CLVS1: variants seen among roughly 807,000 people sequenced by gnomAD.
The protein encoded by CLVS1 is clavesin 1, also known as clavesin-1.
In CLVS1, 10 loss-of-function variants were observed where a neutral mutation model predicts 33.1. The observed-to-expected ratio is 0.30, with a 90% CI of 0.19 to 0.51. The LOEUF (loss-of-function observed/expected upper bound fraction) is 0.51, where lower values mean the gene tolerates loss of function less well. CLVS1 is among the 20% of genes least tolerant of loss of function. The probability of loss-of-function intolerance (pLI) is 0.97; values close to 1 mark genes in which losing one functional copy is unlikely to be tolerated. For missense variants in CLVS1, 343 were observed against 433.4 expected, an observed-to-expected ratio of 0.79 and a Z score of 1.85; for synonymous variants, 163 against 166.1, an observed-to-expected ratio of 0.98 and a Z score of 0.14.
At chr8:61,260,659 G>A (rs1232239630) in intron 2 of CLVS1, among the ~76,000 whole-genome samples, 1 of 152,180 alleles carries the variant, frequency 6.6e-6, no homozygotes, top group East Asian at 1.9e-4. Flanking sequence ...TATAAAAGGA[G>A]GAGATAAAGA....
intron 4 of CLVS1, among the ~76,000 whole-genome samples, chr8:61,457,182 C>A (rs1238642468): frequency 6.6e-6 from 1 of 152,030 alleles, no homozygotes; most frequent in Non-Finnish European, 1.5e-5. Context: ...GGTGATCTGC[C>A]CTCCTCAGCC....
At chr8:61,491,853 T>A (rs553470162) in intron 5 of CLVS1, among the ~76,000 whole-genome samples, 1 of 152,374 alleles carries the variant, frequency 6.6e-6, no homozygotes, top group South Asian at 2.1e-4. Flanking sequence ...ATTTCACTTT[T>A]ATCTAAATGA....
At chr8:61,061,976 T>C (rs772373142) in intron 1 of CLVS1, among the ~76,000 whole-genome samples, 25 of 152,164 alleles carry the variant, frequency 1.6e-4, no homozygotes, top group Non-Finnish European at 3.5e-4. Flanking sequence ...TGGAAGGGTC[T>C]CTGTGAACCC....
intron 1 of CLVS1, among the ~76,000 whole-genome samples, chr8:61,104,328 A>T (rs1200895684): frequency 6.6e-6 from 1 of 152,224 alleles, no homozygotes; most frequent in Non-Finnish European, 1.5e-5. Context: ...GAGGGTTAAA[A>T]AGTTGTTCCA....
At chr8:61,081,651 T>G (rs963652831) in intron 1 of CLVS1, among the ~76,000 whole-genome samples, 3 of 152,242 alleles carry the variant, frequency 2.0e-5, no homozygotes, top group Non-Finnish European at 4.4e-5. Context: ...AACTTCTGGC[T>G]TCCAGTCTGG....
At chr8:61,494,883 T>C (rs1804214899) in intron 5 of CLVS1, among the ~76,000 whole-genome samples, 1 of 152,244 alleles carries the variant, frequency 6.6e-6, no homozygotes, top group African/African-American at 2.4e-5. Flanking sequence ...ACTAGAATTA[T>C]GTCATGCTGA....
chr8:61,275,097 G>C (rs906750433), intron 2 of CLVS1, among the ~76,000 whole-genome samples: 3 of 152,164 alleles, frequency 2.0e-5, no homozygotes, highest in African/African-American at 7.2e-5. Context: ...ATTATAATTG[G>C]AGTGGAAGAA....
chr8:61,458,469 T>A lies in CLVS1; in HGVS notation c.904T>A (p.Ser302Thr). Residue 302 changes from serine (S) to threonine (T), a missense_variant, in exon 5 of 6, where the codon TCC becomes ACC. Physicochemically the swap from Ser to Thr is moderately conservative, Grantham distance 58 (BLOSUM62 1). Around this residue, in one of 4 missense-constraint regions of CLVS1, gnomAD observed 86 missense variants for 95.0 expected, o/e 0.91. Coordinates refer to ENST00000325897, the MANE Select transcript of CLVS1 (RefSeq NM_173519.3). Reference protein sequence around the residue: ...YSDENDYTHTSYNAMHVKHTS... With the variant: ...YSDENDYTHTTYNAMHVKHTS... ...CGATGAAAATGACTATACTCACACA[T>A]CCTATAATGCAATGCACGTGAAGCA... 1 of 1,613,676 alleles carries A rather than the reference T, an allele frequency of 6.2e-7. No homozygotes were observed. Among genetic ancestry groups the A allele is most frequent in the Non-Finnish European group, 8.5e-7 (1 of 1,179,928 alleles).
the CLVS1 span, among the ~76,000 whole-genome samples, chr8:61,017,940 G>A: frequency 6.6e-6 from 1 of 152,168 alleles, no homozygotes; most frequent in African/African-American, 2.4e-5. Flanking sequence ...TTCACTGCAT[G>A]GTTGCATGTA....
At chr8:61,403,839 A>G (rs1814870318) in intron 3 of CLVS1, among the ~76,000 whole-genome samples, 1 of 152,204 alleles carries the variant, frequency 6.6e-6, no homozygotes, top group Admixed American at 6.5e-5. Context: ...ACATGTAGAA[A>G]GGATATCTAC....
At chr8:61,297,975 C>T (rs1474347210) in intron 1 of CLVS1, among the ~76,000 whole-genome samples, 1 of 152,184 alleles carries the variant, frequency 6.6e-6, no homozygotes, top group Non-Finnish European at 1.5e-5. Context: ...GAGTGACCAT[C>T]TGTCTGAGTT....
At chr8:61,471,207 A>T (rs1391845678) in intron 5 of CLVS1, among the ~76,000 whole-genome samples, 1 of 152,150 alleles carries the variant, frequency 6.6e-6, no homozygotes, top group African/African-American at 2.4e-5. Context: ...TTCCTTGACT[A>T]CAGAGTGGAT....
intron 3 of CLVS1, among the ~76,000 whole-genome samples, chr8:61,414,780 TC>T (rs1459010157): frequency 6.6e-6 from 1 of 152,208 alleles, no homozygotes; most frequent in Non-Finnish European, 1.5e-5. Flanking sequence ...CCCTCACTGA[TC>T]CTCTCAGTCA....
chr8:61,130,842 G>C (rs920188929), intron 1 of CLVS1, among the ~76,000 whole-genome samples: 6 of 152,182 alleles, frequency 3.9e-5, no homozygotes, highest in African/African-American at 1.4e-4. Flanking sequence ...GGCTTCCCTG[G>C]ACCCCTTTCT....
chr8:61,242,793 A>C (rs1808722270), intron 2 of CLVS1, among the ~76,000 whole-genome samples: 1 of 117,666 alleles, frequency 8.5e-6, no homozygotes, highest in Non-Finnish European at 1.6e-5. Flanking sequence ...ACCCTGCCTC[A>C]AAAAAAAAAA....
intron 1 of CLVS1, among the ~76,000 whole-genome samples, chr8:61,063,261 G>C (rs896828360): frequency 2.4e-4 from 13 of 55,222 alleles, no homozygotes; most frequent in Non-Finnish European, 3.9e-4. Context: ...GTGAGGAAGC[G>C]AGAGAGAGAG....
intron 1 of CLVS1, among the ~76,000 whole-genome samples, chr8:61,297,624 A>G (rs990149078): frequency 2.6e-5 from 4 of 152,122 alleles, no homozygotes; most frequent in African/African-American, 9.7e-5. Context: ...GTAAGTGGAG[A>G]TGTTCAGTAG....
At chr8:61,017,914 G>A in the CLVS1 span, among the ~76,000 whole-genome samples, 3 of 152,122 alleles carry the variant, frequency 2.0e-5, no homozygotes, top group Non-Finnish European at 4.4e-5. Flanking sequence ...GCCCCAATAC[G>A]TCCTTAGTGA....
chr8:61,360,773 A>T (rs1812940375), intron 2 of CLVS1, among the ~76,000 whole-genome samples: 2 of 152,230 alleles, frequency 1.3e-5, no homozygotes, highest in Non-Finnish European at 2.9e-5. Flanking sequence ...TCTTTCACTG[A>T]TTCTTGAAGA....
Sources: gnomAD v4.1 joint callset for allele counts (sites outside exome capture counted in the v4.1 genomes callset) on GRCh38, gnomAD v4.1.1 for gene constraint, gnomAD v4.1.1 regional missense constraint, MANE v1.5 for transcripts, NCBI Gene and HGNC (gene_info 2026-07-23, HGNC 2026-07-21) for gene names.